Variants in PSG5 observed in about 807,000 individuals in gnomAD.
PSG5 encodes the protein pregnancy specific beta-1-glycoprotein 5, also known as pregnancy-specific beta-1-glycoprotein 5.
PSG5 carries 53 observed loss-of-function variants against 37.7 expected under a neutral mutation model. That is an observed-to-expected ratio of 1.41 (90% CI 1.13 to 1.77). The LOEUF (loss-of-function observed/expected upper bound fraction) is 1.77, where lower values mean the gene tolerates loss of function less well. Ranked by LOEUF, PSG5 falls within the 40% of genes most tolerant of loss-of-function variation. PSG5 has a pLI of 0.00. For missense variants in PSG5, 547 were observed against 405.2 expected, an observed-to-expected ratio of 1.35 and a Z score of -3.00; for synonymous variants, 221 against 155.4, an observed-to-expected ratio of 1.42 and a Z score of -3.14.
chr19:43,182,064 G>A (rs1969139864), intron 2 of PSG5, among the ~76,000 whole-genome samples: 1 of 151,706 alleles, frequency 6.6e-6, no homozygotes, highest in Non-Finnish European at 1.5e-5. Flanking sequence ...CTAGTCTCTG[G>A]CTGGCTATCC....
Position 43,184,813 on chromosome 19 carries a change from T to C in PSG5, c.399A>G (p.Gly133=), listed in dbSNP as rs767077109. ...HIIKRGDRTR[G]VTGYFTFNLY... is the part of the protein sequence containing the mutation. ...AGTTGAAGGTGAAATATCCAGTTAC[T>C]CCTCTAGTCCTATCACCTCGCTTTA... The change falls in exon 2 of 6, where the codon GGA becomes GGG. Residue 133 remains glycine (G), a synonymous_variant. Transcript: ENST00000342951. 6.2e-7 allele frequency: 1 copy of C among 1,612,324 alleles called. No homozygotes were observed. Among genetic ancestry groups the C allele is most frequent in the South Asian group, 1.1e-5 (1 of 91,006 alleles).
At chr19:43,179,052 A>C (rs774143998) in intron 2 of PSG5, 5 of 1,612,738 alleles carry the variant, frequency 3.1e-6, no homozygotes, top group Non-Finnish European at 4.2e-6. Flanking sequence ...CATCCACCAC[A>C]GGTAGCTTGT....
At chr19:43,169,087 C>T (rs180954683) in intron 5 of PSG5, among the ~76,000 whole-genome samples, 33 of 151,758 alleles carry the variant, frequency 2.2e-4, no homozygotes, top group South Asian at 6.2e-4. Flanking sequence ...TTTAAAAATG[C>T]TTTCCAGTGA....
chr19:43,174,787 G>A lies in PSG5; in HGVS notation c.964+428C>T, dbSNP rs182269099. On this transcript the variant is annotated intron_variant, in intron 4 of 5. Coordinates refer to ENST00000342951, the MANE Select transcript of PSG5 (RefSeq NM_002781.4). ...CCTCCCTCACCCAAGGGGCTTCCTC[G>A]TCTCATTTGGGGGAAAAGTGTGAGC... The A allele has an allele frequency of 1.3e-3, 1,521 of 1,175,794 alleles. 57 individuals are homozygous for A. The African/African-American group carries it at 0.02, about 16-fold the overall frequency. The allele number at this position is 1,175,794 out of a possible 1,614,324, so 72.8% of individuals were successfully genotyped here.
At chr19:43,173,375 C>T (rs1207863549) in intron 4 of PSG5, among the ~76,000 whole-genome samples, 6 of 151,546 alleles carry the variant, frequency 4.0e-5, no homozygotes, top group Admixed American at 1.3e-4. Context: ...AAAATCAAAA[C>T]CTTTTATATA....
chr19:43,173,254 A>G (rs886261730), intron 4 of PSG5, among the ~76,000 whole-genome samples: 1 of 151,630 alleles, frequency 6.6e-6, no homozygotes, highest in Non-Finnish European at 1.5e-5. Flanking sequence ...AAGAGTAAAA[A>G]CTACAGAACT....
intron 3 of PSG5, 138 bp from the exon 4 acceptor site, chr19:43,175,607 G>A: frequency 6.9e-7 from 1 of 1,439,724 alleles, no homozygotes; most frequent in Admixed American, 2.3e-5. Flanking sequence ...TATTCACTGA[G>A]CCAAAGCCTG....
intron 3 of PSG5, 98 bp downstream of exon 3, chr19:43,175,772 T>A: frequency 6.4e-7 from 1 of 1,564,138 alleles, no homozygotes; most frequent in Non-Finnish European, 8.7e-7. Context: ...GAAATAAAGG[T>A]GTCTATACTT....
intron 3 of PSG5, 123 bp downstream of exon 3, chr19:43,175,747 C>T: frequency 6.5e-7 from 1 of 1,532,738 alleles, no homozygotes; most frequent in Non-Finnish European, 8.8e-7. Context: ...GAGTCATGGC[C>T]AGCTCAGATG....
rs533003975 is a variant in PSG5, at chr19:43,181,474, T to C, written c.430+3308A>G. Reference sequence around the variant, plus strand: ...TCATTTCTCTAACAGCATTTTTTTTTCTGAGACAGAGTCTCTCTCTTTCAC... The same window carrying C: ...TCATTTCTCTAACAGCATTTTTTTTCCTGAGACAGAGTCTCTCTCTTTCAC... On this transcript the variant is annotated intron_variant, in intron 2 of 5. Coordinates refer to ENST00000342951, the MANE Select transcript of PSG5 (RefSeq NM_002781.4). Among the ~76,000 whole-genome samples, 61 of 151,712 alleles carry C rather than the reference T, an allele frequency of 4.0e-4. 1 individual carries two copies. Among genetic ancestry groups the C allele is most frequent in the Middle Eastern group, 3.4e-3 (1 of 294 alleles).
rs537756371 is a variant in PSG5 at position 43,173,215 on chromosome 19, A to T, written c.964+2000T>A. ...TTACCTAACACCATGCATAAAAATT[A>T]ACCCACAATAGATCAAAGATCTAAA... On this transcript the variant is annotated intron_variant, in intron 4 of 5. Coordinates refer to ENST00000342951, the MANE Select transcript of PSG5 (RefSeq NM_002781.4). Among the ~76,000 whole-genome samples, 629 of 151,786 alleles carry T rather than the reference A, an allele frequency of 4.1e-3. 15 individuals are homozygous for T. The highest frequency in any genetic ancestry group is 0.014 in the African/African-American group (588 of 41,282).
intron 4 of PSG5, chr19:43,170,872 T>C (rs1968891608): frequency 6.6e-6 from 1 of 151,566 alleles, no homozygotes; most frequent in Non-Finnish European, 1.5e-5. Context: ...CTTGGGTGCA[T>C]CTCAGTTGGT....
chr19:43,168,725 CCT>C (rs1968841476), intron 5 of PSG5, among the ~76,000 whole-genome samples: 2 of 151,662 alleles, frequency 1.3e-5, no homozygotes, highest in South Asian at 4.2e-4. Flanking sequence ...GAAGGTTTAG[CCT>C]CACTTATCCT....
chr19:43,178,565 A>C (rs7249971), intron 2 of PSG5, among the ~76,000 whole-genome samples: 9 of 150,104 alleles, frequency 6.0e-5, no homozygotes, highest in Non-Finnish European at 1.3e-4. Context: ...TGACCCTGTG[A>C]GCCAAGTCGC....
intron 5 of PSG5, among the ~76,000 whole-genome samples, chr19:43,168,652 G>T (rs138309563): frequency 6.6e-6 from 1 of 151,856 alleles, no homozygotes; most frequent in South Asian, 2.1e-4. Flanking sequence ...GATTGCAGGC[G>T]TGAGCCATCG....
intron 4 of PSG5, among the ~76,000 whole-genome samples, chr19:43,172,259 A>G (rs988062577): frequency 1.3e-5 from 2 of 151,662 alleles, no homozygotes; most frequent in African/African-American, 4.9e-5. Flanking sequence ...TAAAGGCAAT[A>G]TGTGAAAAAC....
At chr19:43,184,542 C>A (rs1196816440) in intron 2 of PSG5, among the ~76,000 whole-genome samples, 1 of 151,450 alleles carries the variant, frequency 6.6e-6, no homozygotes, top group Non-Finnish European at 1.5e-5. Flanking sequence ...CCTGCTGAGT[C>A]CCCCCATCAG....
chr19:43,176,219 G>A lies in PSG5; in HGVS notation c.431-71C>T. The A allele has an allele frequency of 1.9e-6, 3 of 1,576,084 alleles. No individual in the cohort carries two copies. In the Admixed American group the frequency reaches 5.2e-5, roughly 27 times the overall value. On this transcript the variant is annotated intron_variant, in intron 2 of 5. Transcript: ENST00000342951. ...TTCCTCCACAGGCATCCTTCAATCA[G>A]AGTTGGCATCTCCCACCTGTCAACC... is the stretch of plus-strand genomic sequence containing the variant.
chr19:43,186,078 G>A (rs1335859917), intron 1 of PSG5, among the ~76,000 whole-genome samples: 1 of 151,164 alleles, frequency 6.6e-6, no homozygotes, highest in South Asian at 2.1e-4. Flanking sequence ...CCGGGTTCAT[G>A]TGATTTTCCT....
Sources: gnomAD v4.1 joint callset for allele counts (sites outside exome capture counted in the v4.1 genomes callset) on GRCh38, gnomAD v4.1.1 for gene constraint, MANE v1.5 for transcripts, NCBI Gene and HGNC (gene_info 2026-07-23, HGNC 2026-07-21) for gene names.